The following MELK variants were observed in gnomAD, a reference collection of about 807,000 sequenced individuals.
The protein encoded by MELK is maternal embryonic leucine zipper kinase.
Under a neutral mutation model 85.0 loss-of-function variants are expected in MELK, and 81 were observed. The ratio of observed to expected loss-of-function variants is 0.95; its 90% CI spans 0.80 to 1.15. MELK has a LOEUF of 1.15. MELK is among the 50% of genes most tolerant of loss of function. The pLI, the probability that MELK is intolerant of heterozygous loss-of-function variation, is 0.00. For missense variants in MELK, 754 were observed against 777.5 expected (o/e 0.97, Z 0.36); for synonymous variants, 252 against 265.0 (o/e 0.95, Z 0.48).
rs1406492602 is a variant in MELK, at chr9:36,671,104, A to G, written c.1612A>G (p.Ile538Val). The G allele has an allele frequency of 1.4e-5, 23 of 1,612,638 alleles. No homozygotes were observed. The highest frequency in any genetic ancestry group is 2.0e-5 in the Non-Finnish European group (23 of 1,179,388). Residue 538 changes from isoleucine to valine, a missense_variant, in exon 16 of 18, where the codon ATC becomes GTC. By Grantham distance (29) the Ile-to-Val change is conservative. Transcript: ENST00000298048. ...GSLERGLDKV[I>V]TVLTRSKRKG... is the part of the protein sequence containing the mutation. ...CCTTGAAAGGGGGTTGGATAAGGTT[A>G]TCACTGTGCTCACCAGGAGCAAAAG...
intron 9 of MELK, among the ~76,000 whole-genome samples, chr9:36,630,748 G>C (rs1353299794): frequency 2.0e-5 from 3 of 152,006 alleles, no homozygotes; most frequent in Non-Finnish European, 2.9e-5. Context: ...TCGCCTTCTG[G>C]GTTCAAGTGC....
chr9:36,656,586 A>T (rs1831268360), intron 12 of MELK, among the ~76,000 whole-genome samples: 1 of 152,096 alleles, frequency 6.6e-6, no homozygotes, highest in South Asian at 2.1e-4. Flanking sequence ...TGGTGGTCCC[A>T]TAAAATTATA....
chr9:36,640,587 C>A (rs114087657), intron 10 of MELK, among the ~76,000 whole-genome samples: 176 of 152,252 alleles, frequency 1.2e-3, no homozygotes, highest in African/African-American at 4.0e-3. Context: ...GCTAGGACTA[C>A]GCATGTGAGC....
At chr9:36,662,243 C>CT (rs553334327) in intron 13 of MELK, among the ~76,000 whole-genome samples, 1,543 of 133,326 alleles carry the variant, frequency 0.012, 12 homozygotes, top group Non-Finnish European at 0.014. Context: ...GAATCTGTAT[C>CT]TTTTTTTTTT....
chr9:36,628,457 A>G (rs1276340521), intron 8 of MELK, among the ~76,000 whole-genome samples: 1 of 151,442 alleles, frequency 6.6e-6, no homozygotes, highest in Non-Finnish European at 1.5e-5. Context: ...ATCTTGCTGT[A>G]TTGGCAGGCT....
intron 12 of MELK, among the ~76,000 whole-genome samples, chr9:36,652,701 G>A: frequency 7.4e-6 from 1 of 134,536 alleles, no homozygotes; most frequent in Non-Finnish European, 1.5e-5. Flanking sequence ...TTGCACTCCA[G>A]CCTGGGCGAC....
intron 17 of MELK, 30 bp from the exon 18 acceptor site, chr9:36,677,130 C>T: frequency 6.3e-7 from 1 of 1,596,008 alleles, no homozygotes; most frequent in Non-Finnish European, 8.6e-7. Flanking sequence ...GGTTCTCCTA[C>T]TAACTAGCTT....
chr9:36,621,690 C>G (rs1254747018), intron 8 of MELK, among the ~76,000 whole-genome samples: 2 of 152,164 alleles, frequency 1.3e-5, no homozygotes, highest in African/African-American at 4.8e-5. Context: ...TGACTTAACT[C>G]TAACCTTTGC....
intron 3 of MELK, among the ~76,000 whole-genome samples, chr9:36,587,969 T>C (rs9775676): frequency 0.034 from 5,186 of 151,450 alleles, 290 homozygotes; most frequent in African/African-American, 0.12. Flanking sequence ...GTTTTCACCA[T>C]GTTGGCCAGG....
intron 10 of MELK, among the ~76,000 whole-genome samples, chr9:36,637,135 A>T (rs1829302690): frequency 6.6e-6 from 1 of 151,896 alleles, no homozygotes. Flanking sequence ...CCCGGCCAGC[A>T]ACTAGATTTC....
At chr9:36,658,073 T>A (rs1052417117) in intron 13 of MELK, among the ~76,000 whole-genome samples, 1 of 151,584 alleles carries the variant, frequency 6.6e-6, no homozygotes, top group Non-Finnish European at 1.5e-5. Flanking sequence ...GTGGCTAACT[T>A]CCCCTCCCAA....
chr9:36,640,053 C>A (rs1829619948), intron 10 of MELK, among the ~76,000 whole-genome samples: 1 of 152,196 alleles, frequency 6.6e-6, no homozygotes, highest in Admixed American at 6.5e-5. Context: ...TTATTCTTAG[C>A]ACTTTGGACT....
chr9:36,584,022 T>C (rs996902408), intron 3 of MELK, among the ~76,000 whole-genome samples: 1 of 152,166 alleles, frequency 6.6e-6, no homozygotes, highest in Non-Finnish European at 1.5e-5. Context: ...TTATTTTTTT[T>C]TGAGACGGAG....
rs545788003 is a variant in MELK at position 36,585,271 on chromosome 9, C to CT, written c.144+1567dup. Reference sequence around the variant, plus strand: ...AGTGTTTGAAGTCACCTTGAGTCATCTTTTTTTTCTAATTCCTTCTACCAT... The same window carrying CT: ...AGTGTTTGAAGTCACCTTGAGTCATCTTTTTTTTTCTAATTCCTTCTACCAT... On this transcript the variant is annotated intron_variant, in intron 3 of 17. Transcript: ENST00000298048. Among the ~76,000 whole-genome samples, 23 of 104,916 alleles carry CT rather than the reference C, an allele frequency of 2.2e-4. No homozygotes were observed. The East Asian group carries it at 6.1e-3, about 28-fold the overall frequency. The allele number at this position is 104,916 out of a possible 152,430, so 68.8% of individuals were successfully genotyped here. A position where few individuals can be genotyped will look rare whatever the true frequency, so the allele number is the denominator to read the frequency against.
intron 8 of MELK, among the ~76,000 whole-genome samples, chr9:36,625,896 A>C (rs1457370807): frequency 5.4e-5 from 5 of 92,532 alleles, no homozygotes; most frequent in Admixed American, 9.1e-5. Context: ...ACTTCATCTC[A>C]AAAAAAAAAA....
At chr9:36,652,007 A>T (rs946227125) in intron 12 of MELK, 130 bp downstream of exon 12, 12 of 706,796 alleles carry the variant, frequency 1.7e-5, no homozygotes, top group Non-Finnish European at 2.2e-5. Flanking sequence ...AATATTTTTG[A>T]TGAGAAAAAT....
At chr9:36,655,770 C>T (rs766081606) in intron 12 of MELK, among the ~76,000 whole-genome samples, 1 of 152,176 alleles carries the variant, frequency 6.6e-6, no homozygotes, top group Non-Finnish European at 1.5e-5. Flanking sequence ...TTTTCTCAGC[C>T]TAGCTCTCCA....
At chr9:36,650,875 CA>C (rs1490828312) in intron 11 of MELK, among the ~76,000 whole-genome samples, 1 of 152,054 alleles carries the variant, frequency 6.6e-6, no homozygotes, top group African/African-American at 2.4e-5. Flanking sequence ...AAGCAGTTAG[CA>C]GATGTGTGTG....
chr9:36,646,644 G>A (rs1830240419), intron 11 of MELK, among the ~76,000 whole-genome samples: 3 of 152,142 alleles, frequency 2.0e-5, no homozygotes, highest in African/African-American at 7.2e-5. Context: ...TCTGCTAGGG[G>A]ACCTTCACTA....
Sources: gnomAD v4.1 joint callset for allele counts (sites outside exome capture counted in the v4.1 genomes callset) on GRCh38, gnomAD v4.1.1 for gene constraint, MANE v1.5 for transcripts, NCBI Gene and HGNC (gene_info 2026-07-23, HGNC 2026-07-21) for gene names.